HMGA2: variants seen among roughly 807,000 people sequenced by gnomAD.
HMGA2 encodes the protein high mobility group AT-hook 2.
In HMGA2, 8 loss-of-function variants were observed where a neutral mutation model predicts 19.1. The ratio of observed to expected loss-of-function variants is 0.42; its 90% CI spans 0.25 to 0.76. HMGA2 has a LOEUF of 0.76. HMGA2 is among the 30% of genes least tolerant of loss of function. The probability of loss-of-function intolerance (pLI) is 0.28; values close to 1 mark genes in which losing one functional copy is unlikely to be tolerated. For synonymous variants in HMGA2, 60 were observed against 48.8 expected, an observed-to-expected ratio of 1.23 and a Z score of -0.96; for missense variants, 109 against 136.3, an observed-to-expected ratio of 0.80 and a Z score of 1.00.
At chr12:65,861,211 C>CA (rs1275134885) in intron 3 of HMGA2, among the ~76,000 whole-genome samples, 3 of 151,994 alleles carry the variant, frequency 2.0e-5, no homozygotes, top group African/African-American at 7.2e-5. Context: ...ACTGAAAATA[C>CA]AAAAAATGAG....
intron 3 of HMGA2, among the ~76,000 whole-genome samples, chr12:65,849,910 G>C (rs1871390229): frequency 6.6e-6 from 1 of 151,940 alleles, no homozygotes; most frequent in Non-Finnish European, 1.5e-5. Context: ...GTAGAGACAG[G>C]GTTTCACCAT....
chr12:65,898,248 G>C (rs1874218299), intron 3 of HMGA2, among the ~76,000 whole-genome samples: 1 of 152,166 alleles, frequency 6.6e-6, no homozygotes, highest in Admixed American at 6.5e-5. Context: ...GAAAAAGTTT[G>C]AGGAGAGAAA....
chr12:65,881,913 A>G (rs944087364), intron 3 of HMGA2: 1 of 701,758 alleles, frequency 1.4e-6, no homozygotes, highest in Non-Finnish European at 2.6e-6. Flanking sequence ...GTATGTTTCC[A>G]TGCTGCAGAA....
intron 4 of HMGA2, chr12:65,955,829 T>A (rs755433912): frequency 1.3e-5 from 2 of 152,336 alleles, no homozygotes; most frequent in South Asian, 4.1e-4. Context: ...ATCACGGGAT[T>A]TCTTCCCCCT....
intron 3 of HMGA2, among the ~76,000 whole-genome samples, chr12:65,852,393 C>T (rs1043420494): frequency 7.2e-5 from 11 of 152,104 alleles, no homozygotes; most frequent in Non-Finnish European, 1.5e-5. Context: ...ATCCCAGCTA[C>T]TCGGGAGACT....
intron 3 of HMGA2, among the ~76,000 whole-genome samples, chr12:65,846,651 T>G (rs1565706015): frequency 1.3e-5 from 2 of 152,224 alleles, no homozygotes; most frequent in Non-Finnish European, 2.9e-5. Context: ...TGTTCACCTA[T>G]TTGGTTGCTT....
chr12:65,828,383 G>T, intron 2 of HMGA2: 1 of 256,542 alleles, frequency 3.9e-6, no homozygotes, highest in South Asian at 5.9e-5. Context: ...GGGGGGGGCG[G>T]GATGAAAATG....
chr12:65,889,720 T>A (rs1184933361), intron 3 of HMGA2, among the ~76,000 whole-genome samples: 1 of 152,194 alleles, frequency 6.6e-6, no homozygotes, highest in Non-Finnish European at 1.5e-5. Flanking sequence ...CTTCTTTCTT[T>A]CTCACAGCAA....
At chr12:65,850,512 GA>G (rs1380400316) in intron 3 of HMGA2, among the ~76,000 whole-genome samples, 1 of 151,002 alleles carries the variant, frequency 6.6e-6, no homozygotes, top group Non-Finnish European at 1.5e-5. Flanking sequence ...TGAAGAGACC[GA>G]ATTTTTTTTT....
chr12:65,900,036 G>A (rs1002263881), intron 3 of HMGA2, among the ~76,000 whole-genome samples: 1 of 152,170 alleles, frequency 6.6e-6, no homozygotes, highest in Non-Finnish European at 1.5e-5. Context: ...TTTACGGATA[G>A]GGTAATATTT....
intron 3 of HMGA2, among the ~76,000 whole-genome samples, chr12:65,863,914 G>T (rs977873832): frequency 2.8e-4 from 43 of 152,178 alleles, no homozygotes; most frequent in African/African-American, 9.2e-4. Flanking sequence ...GTTCTGTAAA[G>T]GTAATTGCAA....
chr12:65,915,093 A>G (rs1875029925), intron 3 of HMGA2: 3 of 1,613,946 alleles, frequency 1.9e-6, no homozygotes, highest in Non-Finnish European at 2.5e-6. Flanking sequence ...TCCAAGAAGA[A>G]AACATCTCTG....
chr12:65,875,589 A>AGTTTTTTTTTTTTT (rs1872960978), intron 3 of HMGA2, among the ~76,000 whole-genome samples: 1 of 26,098 alleles, frequency 3.8e-5, no homozygotes. Context: ...GTGCCCGGCT[A>AGTTTTTTTTTTTTT]TTTTTTTTTT....
intron 3 of HMGA2, among the ~76,000 whole-genome samples, chr12:65,906,111 T>A (rs887541353): frequency 6.6e-6 from 1 of 152,212 alleles, no homozygotes; most frequent in Non-Finnish European, 1.5e-5. Flanking sequence ...CTGTTCCATA[T>A]GTTAATTTAA....
At position 65,883,194 on chromosome 12, in the gene HMGA2, C is replaced by T. The variant is rs149938671; in HGVS notation, c.249+44625C>T. On this transcript the variant is annotated intron_variant, in intron 3 of 4. Coordinates refer to ENST00000403681, the MANE Select transcript of HMGA2 (RefSeq NM_003483.6). ...TCTAGGGGTGAAAGAAGAGGAAAGG[C>T]GATGGATCACACCACATTTGTGGAA... Among the ~76,000 whole-genome samples, 10 of 152,322 alleles carry T rather than the reference C, an allele frequency of 6.6e-5. No homozygotes were observed. In the East Asian group the frequency reaches 1.2e-3, roughly 18 times the overall value.
At chr12:65,910,335 G>A (rs1258642541) in intron 3 of HMGA2, among the ~76,000 whole-genome samples, 2 of 151,832 alleles carry the variant, frequency 1.3e-5, no homozygotes, top group African/African-American at 4.8e-5. Flanking sequence ...TTTCTTTTTT[G>A]TTCAATAATC....
chr12:65,831,127 C>T (rs908801658), intron 2 of HMGA2: 2 of 151,766 alleles, frequency 1.3e-5, no homozygotes, highest in Non-Finnish European at 3.0e-5. Context: ...ATTTTTTAGT[C>T]TGAGGTACAC....
intron 3 of HMGA2, among the ~76,000 whole-genome samples, chr12:65,892,963 C>T (rs1453573590): frequency 3.3e-5 from 5 of 152,122 alleles, no homozygotes; most frequent in South Asian, 4.1e-4. Flanking sequence ...CTCTGCTTCC[C>T]GTGTGTCATA....
At chr12:65,939,356 C>CT (rs372114758) in intron 3 of HMGA2, among the ~76,000 whole-genome samples, 34 of 147,076 alleles carry the variant, frequency 2.3e-4, no homozygotes, top group Middle Eastern at 3.5e-3. Context: ...CACATACAAG[C>CT]TTTTTTTTTT....
Sources: gnomAD v4.1 joint callset for allele counts (sites outside exome capture counted in the v4.1 genomes callset) on GRCh38, gnomAD v4.1.1 for gene constraint, MANE v1.5 for transcripts, NCBI Gene and HGNC (gene_info 2026-07-23, HGNC 2026-07-21) for gene names.